Variants in GREB1 observed in about 807,000 individuals in gnomAD.
GREB1 encodes protein GREB1.
Under a neutral mutation model 200.7 loss-of-function variants are expected in GREB1, and 106 were observed. That is an observed-to-expected ratio of 0.53 (90% CI 0.45 to 0.62). The LOEUF is 0.62. GREB1 is among the 20% of genes least tolerant of loss of function. GREB1 has a pLI of 0.00. For synonymous variants in GREB1, 1,132 were observed against 1,092.4 expected (o/e 1.04, Z -0.72); for missense variants, 2,243 against 2,556.8 (o/e 0.88, Z 2.65).
chr2:11,623,595 A>G (rs1348150346), intron 23 of GREB1, among the ~76,000 whole-genome samples: 1 of 152,176 alleles, frequency 6.6e-6, no homozygotes, highest in Non-Finnish European at 1.5e-5. Context: ...TTTAACAAAA[A>G]GTTTTAAAAG....
Position 11,585,194 on chromosome 2 carries a change from G to A in GREB1, c.935G>A (p.Arg312His), listed in dbSNP as rs779801498. 12 of 1,579,782 alleles carry A rather than the reference G, an allele frequency of 7.6e-6. No homozygotes were observed. Among genetic ancestry groups the A allele is most frequent in the South Asian group, 1.2e-5 (1 of 85,214 alleles). The change falls in exon 8 of 33, where the codon CGC (arginine) becomes CAC (histidine). Residue 312 changes from arginine to histidine, a missense_variant. Arg to His is a conservative substitution (Grantham distance 29). Transcript: ENST00000381486. ...TCAAACTCCGGGCCCCCCAAAAAACGCCACAAAGGGTGGTCTCCAGAATCT... is the reference window on the plus strand; with the variant it reads ...TCAAACTCCGGGCCCCCCAAAAAACACCACAAAGGGTGGTCTCCAGAATCT... ...ILSNSGPPKK[R>H]HKGWSPESPS...
intron 1 of GREB1, among the ~76,000 whole-genome samples, chr2:11,495,800 T>TG (rs1672868513): frequency 6.6e-6 from 1 of 151,300 alleles, no homozygotes; most frequent in Non-Finnish European, 1.5e-5. Context: ...CCCCCCGTTT[T>TG]TTTTTTTTTT....
chr2:11,602,153 T>G (rs1306169790), intron 16 of GREB1, among the ~76,000 whole-genome samples: 1 of 152,244 alleles, frequency 6.6e-6, no homozygotes, highest in Non-Finnish European at 1.5e-5. Flanking sequence ...GATTTTCTTC[T>G]TGGTAAAAAC....
chr2:11,582,296 G>T (rs1306884222), intron 7 of GREB1, among the ~76,000 whole-genome samples: 3 of 152,214 alleles, frequency 2.0e-5, no homozygotes, highest in African/African-American at 7.2e-5. Flanking sequence ...CCGTGGAGGG[G>T]TGTGGGAGAT....
intron 1 of GREB1, among the ~76,000 whole-genome samples, chr2:11,488,723 G>T (rs1392092850): frequency 1.3e-5 from 2 of 150,550 alleles, no homozygotes; most frequent in Admixed American, 1.3e-4. Context: ...TTTGGGACGT[G>T]GAGGTTGCAG....
In GREB1 at chr2:11,620,907, C is replaced by G; in HGVS notation, c.4047C>G (p.Ile1349Met). 1 of 1,600,772 alleles carries G rather than the reference C, an allele frequency of 6.2e-7. No individual in the cohort carries two copies. The highest frequency in any genetic ancestry group is 8.6e-7 in the Non-Finnish European group (1 of 1,167,830). Residue 1349 changes from isoleucine to methionine, a missense_variant and splice_region_variant, in exon 23 of 33, where the codon ATC (isoleucine) becomes ATG (methionine). Around this residue, in one of 3 missense-constraint regions of GREB1, gnomAD observed 587 missense variants for 553.1 expected, o/e 1.06. Coordinates refer to ENST00000381486, the MANE Select transcript of GREB1 (RefSeq NM_014668.4). ...TTTTAACTCCTATACCTTTACAGATCGGGAAGACAGGTGCCTACCTGCAGT... is the reference window on the plus strand; with the variant it reads ...TTTTAACTCCTATACCTTTACAGATGGGGAAGACAGGTGCCTACCTGCAGT... ...RRLLLSGPPQ[I>M]GKTGAYLQFL...
chr2:11,496,610 A>T (rs1283053928), intron 1 of GREB1, among the ~76,000 whole-genome samples: 1 of 147,580 alleles, frequency 6.8e-6, no homozygotes, highest in Non-Finnish European at 1.5e-5. Context: ...GCAAGCTGCT[A>T]GCAAGAAGAA....
intron 18 of GREB1, 65 bp from the exon 19 acceptor site, chr2:11,612,430 C>A: frequency 6.6e-7 from 1 of 1,510,408 alleles, no homozygotes; most frequent in Non-Finnish European, 9.1e-7. Context: ...CATCAGGATT[C>A]CTCTGAGCTG....
intron 1 of GREB1, among the ~76,000 whole-genome samples, chr2:11,551,851 T>C (rs1394723555): frequency 1.3e-5 from 2 of 152,202 alleles, no homozygotes; most frequent in African/African-American, 4.8e-5. Context: ...ACCAGCCCCA[T>C]TGTAAACCAA....
intron 10 of GREB1, chr2:11,592,203 T>A (rs1572848236): frequency 2.5e-5 from 7 of 279,334 alleles, no homozygotes; most frequent in South Asian, 2.4e-4. Flanking sequence ...TTTTTTTTTT[T>A]AACAACAGCA....
intron 17 of GREB1, among the ~76,000 whole-genome samples, chr2:11,609,065 A>G (rs1465693686): frequency 1.3e-5 from 2 of 152,114 alleles, no homozygotes; most frequent in African/African-American, 4.8e-5. Flanking sequence ...TCACTGCCTG[A>G]TGTCCCATGT....
chr2:11,582,331 G>T (rs1679577782), intron 7 of GREB1, among the ~76,000 whole-genome samples: 5 of 152,204 alleles, frequency 3.3e-5, no homozygotes, highest in Admixed American at 3.3e-4. Context: ...TTGCCTAGGG[G>T]AACACGAGCC....
At chr2:11,583,101 C>T (rs1679684977) in intron 7 of GREB1, among the ~76,000 whole-genome samples, 1 of 152,274 alleles carries the variant, frequency 6.6e-6, no homozygotes, top group Middle Eastern at 3.4e-3. Context: ...CACATTGGTA[C>T]CATGGGAGCA....
At chr2:11,594,896 G>C (rs1464153560) in intron 11 of GREB1, among the ~76,000 whole-genome samples, 1 of 151,682 alleles carries the variant, frequency 6.6e-6, no homozygotes, top group Non-Finnish European at 1.5e-5. Flanking sequence ...GGGTTTCACC[G>C]TGTTAGCCAG....
In GREB1 at chr2:11,629,197, A is replaced by G. The variant is rs1684690606; in HGVS notation, c.4450-751A>G. On this transcript the variant is annotated intron_variant, in intron 25 of 32. Transcript: ENST00000381486. The surrounding 1 kb of genome is among the most constrained non-coding windows in gnomAD (Gnocchi z 5.2). ...TGCAGACCCTGGATGCATGCATAGCACATGCTAGGAGGGGATGTCAGTAGG... is the reference window on the plus strand; with the variant it reads ...TGCAGACCCTGGATGCATGCATAGCGCATGCTAGGAGGGGATGTCAGTAGG... 6.6e-6 allele frequency among the ~76,000 whole-genome samples: 1 copy of G among 152,044 alleles called. No individual in the cohort carries two copies.
chr2:11,485,261 A>T (rs1484374167), intron 1 of GREB1, among the ~76,000 whole-genome samples: 2 of 117,374 alleles, frequency 1.7e-5, no homozygotes, highest in African/African-American at 6.2e-5. Context: ...ATTTTATTTT[A>T]TATATATATA....
intron 1 of GREB1, among the ~76,000 whole-genome samples, chr2:11,542,358 G>A (rs2148528950): frequency 6.6e-6 from 1 of 152,308 alleles, no homozygotes; most frequent in Middle Eastern, 3.4e-3. Flanking sequence ...TGCTCTTGGA[G>A]CTTGGGGTGG....
chr2:11,566,473 C>T lies in GREB1; in HGVS notation c.278-7C>T, dbSNP rs777150372. 3 of 1,603,204 alleles carry T rather than the reference C, an allele frequency of 1.9e-6. No homozygotes were observed. Among genetic ancestry groups the T allele is most frequent in the East Asian group, 2.2e-5 (1 of 44,742 alleles). On this transcript the variant is annotated splice_polypyrimidine_tract_variant and splice_region_variant and intron_variant, in intron 3 of 32. Coordinates refer to ENST00000381486, the MANE Select transcript of GREB1 (RefSeq NM_014668.4). ...GGCAGCGTGTGAACCCTGTCCACCC[C>T]TCCTAGGGTTTTGCCAGGCCGGGAA...
chr2:11,581,348 G>C, intron 7 of GREB1: 1 of 294,820 alleles, frequency 3.4e-6, no homozygotes, highest in South Asian at 6.8e-5. Flanking sequence ...CTCACTAATC[G>C]GTACCGGCTG....
Sources: gnomAD v4.1 joint callset for allele counts (sites outside exome capture counted in the v4.1 genomes callset) on GRCh38, gnomAD v4.1.1 for gene constraint, gnomAD v4.1.1 regional missense constraint, Gnocchi (gnomAD v3.1) non-coding constraint, MANE v1.5 for transcripts, NCBI Gene and HGNC (gene_info 2026-07-23, HGNC 2026-07-21) for gene names.